EPRS1: variants seen among roughly 807,000 people sequenced by gnomAD.
EPRS1 encodes the protein glutamyl-prolyl-tRNA synthetase 1.
In EPRS1, 107 loss-of-function variants were observed where a neutral mutation model predicts 188.3. That is an observed-to-expected ratio of 0.57 (90% CI 0.49 to 0.67). EPRS1 has a LOEUF of 0.67. Among genes scored for constraint, EPRS1 ranks in the 30% least tolerant of loss-of-function variants. The pLI, the probability that EPRS1 is intolerant of heterozygous loss-of-function variation, is 0.00. For missense variants in EPRS1, 1,577 were observed against 1,802.2 expected, an observed-to-expected ratio of 0.88 and a Z score of 2.26; for synonymous variants, 596 against 593.1, an observed-to-expected ratio of 1.00 and a Z score of -0.07.
At chr1:219,999,023 T>G (rs1278152959) in intron 17 of EPRS1, among the ~76,000 whole-genome samples, 1 of 151,992 alleles carries the variant, frequency 6.6e-6, no homozygotes, top group Non-Finnish European at 1.5e-5. Flanking sequence ...CTTTTCATAA[T>G]TAAAGAGAAA....
intron 16 of EPRS1, among the ~76,000 whole-genome samples, chr1:220,004,568 G>GA (rs1661422054): frequency 6.6e-6 from 1 of 151,910 alleles, no homozygotes; most frequent in East Asian, 1.9e-4. Flanking sequence ...TTTGCTGAGT[G>GA]AAAAAAGGGA....
chr1:219,973,458 T>C (rs1364946629), intron 28 of EPRS1, 60 bp from the exon 29 acceptor site: 2 of 1,152,720 alleles, frequency 1.7e-6, no homozygotes, highest in African/African-American at 3.2e-5. Flanking sequence ...AATATACAGA[T>C]GTAATTCATG....
intron 20 of EPRS1, 143 bp downstream of exon 20, chr1:219,986,999 A>G (rs191288737): frequency 5.9e-6 from 5 of 853,446 alleles, no homozygotes. Context: ...TGGAAAATCA[A>G]TAAATGCTAT....
At chr1:219,990,394 T>G (rs747296459) in intron 18 of EPRS1, among the ~76,000 whole-genome samples, 2 of 152,182 alleles carry the variant, frequency 1.3e-5, no homozygotes, top group Non-Finnish European at 2.9e-5. Context: ...TTGAGAGAAT[T>G]TGAATTATAA....
chr1:219,980,331 G>A, intron 25 of EPRS1, 91 bp from the exon 26 acceptor site: 2 of 955,030 alleles, frequency 2.1e-6, no homozygotes, highest in South Asian at 1.8e-5. Context: ...CTAATTGTGT[G>A]GGAAAAGCAA....
At chr1:219,990,996 A>T (rs1661110401) in intron 18 of EPRS1, among the ~76,000 whole-genome samples, 1 of 152,222 alleles carries the variant, frequency 6.6e-6, no homozygotes, top group Admixed American at 6.5e-5. Flanking sequence ...TGGATTAATG[A>T]GAAAAGAAAC....
At chr1:219,994,472 G>C (rs1661187482) in intron 18 of EPRS1, among the ~76,000 whole-genome samples, 1 of 150,940 alleles carries the variant, frequency 6.6e-6, no homozygotes, top group Non-Finnish European at 1.5e-5. Flanking sequence ...GAAGTGTTTG[G>C]GTCTTTATTA....
intron 28 of EPRS1, among the ~76,000 whole-genome samples, chr1:219,976,581 T>C (rs552504149): frequency 1.6e-4 from 24 of 152,170 alleles, no homozygotes; most frequent in Non-Finnish European, 2.9e-4. Flanking sequence ...TTTCAAATGA[T>C]TCAAGCAGGA....
chr1:220,036,357 A>C (rs971094268), intron 2 of EPRS1, among the ~76,000 whole-genome samples: 8 of 152,194 alleles, frequency 5.3e-5, no homozygotes, highest in Non-Finnish European at 8.8e-5. Flanking sequence ...AATATAGTTC[A>C]TTCTACCATA....
chr1:220,040,130 C>CT (rs1662264360), intron 2 of EPRS1, 55 bp downstream of exon 2: 1 of 1,208,346 alleles, frequency 8.3e-7, no homozygotes, highest in African/African-American at 1.5e-5. Context: ...TAAAAAAACT[C>CT]TAAAAAAAAG....
intron 1 of EPRS1, among the ~76,000 whole-genome samples, chr1:220,043,764 G>A (rs1412043854): frequency 4.6e-5 from 7 of 152,186 alleles, no homozygotes; most frequent in Non-Finnish European, 1.0e-4. Flanking sequence ...AAGTTAAGTG[G>A]CCTGTTATCT....
chr1:220,009,741 T>C lies in EPRS1; in HGVS notation c.1605+1205A>G, dbSNP rs539165444. Among the ~76,000 whole-genome samples the C allele has an allele frequency of 4.6e-5, 7 of 152,026 alleles. No homozygotes were observed. The East Asian group carries it at 9.7e-4, about 21-fold the overall frequency. On this transcript the variant is annotated intron_variant, in intron 13 of 31. Transcript: ENST00000366923. ...TTCAAAATTGTCAACTAAGCAGTCA[T>C]AAGGATCTGGGATGACCACAGCTTA... is the stretch of plus-strand genomic sequence containing the variant.
chr1:219,983,176 C>G lies in EPRS1; in HGVS notation c.3300+13G>C. The G allele has an allele frequency of 1.3e-6, 2 of 1,585,566 alleles. No homozygotes were observed. Among genetic ancestry groups the G allele is most frequent in the Non-Finnish European group, 1.7e-6 (2 of 1,166,844 alleles). ...GAGAACATTGCAAAAAATAAAAAAG[C>G]AAGCTCACTTACCTCTGGGGCAAAG... On this transcript the variant is annotated intron_variant, in intron 22 of 31. Coordinates refer to ENST00000366923, the MANE Select transcript of EPRS1 (RefSeq NM_004446.3).
chr1:220,002,381 C>T (rs2102577731), intron 16 of EPRS1, among the ~76,000 whole-genome samples: 1 of 151,818 alleles, frequency 6.6e-6, no homozygotes, highest in East Asian at 1.9e-4. Context: ...TTACAAACTT[C>T]CAATCTATGA....
intron 4 of EPRS1, among the ~76,000 whole-genome samples, chr1:220,033,287 C>T (rs1558061590): frequency 6.6e-6 from 1 of 151,434 alleles, no homozygotes; most frequent in Non-Finnish European, 1.5e-5. Context: ...GTGAGACAGA[C>T]GACGGGACGG....
intron 25 of EPRS1, among the ~76,000 whole-genome samples, 183 bp from the exon 26 acceptor site, chr1:219,980,423 T>G (rs970570819): frequency 1.3e-5 from 2 of 152,190 alleles, no homozygotes; most frequent in African/African-American, 4.8e-5. Flanking sequence ...AATGAAGCAA[T>G]GTAAAAAGAA....
chr1:219,983,633 C>T (rs1660942957), intron 21 of EPRS1, among the ~76,000 whole-genome samples: 1 of 152,156 alleles, frequency 6.6e-6, no homozygotes, highest in Admixed American at 6.5e-5. Flanking sequence ...TGGCTTAGGC[C>T]TGCAATCCCA....
At chr1:219,980,920 G>A in intron 24 of EPRS1, 63 bp from the exon 25 acceptor site, 2 of 1,086,360 alleles carry the variant, frequency 1.8e-6, no homozygotes. Context: ...TTTTTTTGGA[G>A]ACAGGGTCTT....
At chr1:220,016,618 T>G (rs1230755246) in intron 12 of EPRS1, among the ~76,000 whole-genome samples, 1 of 130,894 alleles carries the variant, frequency 7.6e-6, no homozygotes, top group Non-Finnish European at 1.6e-5. Context: ...GGGGTATCAC[T>G]ATGTTGTCTA....
Sources: allele counts gnomAD v4.1 joint callset (sites outside exome capture counted in the v4.1 genomes callset), GRCh38; gene constraint gnomAD v4.1.1; transcripts MANE v1.5; gene names NCBI Gene and HGNC (gene_info 2026-07-23, HGNC 2026-07-21).